The following OGA variants were observed in gnomAD, a reference collection of about 807,000 sequenced individuals.
OGA encodes the protein O-GlcNAcase.
Under a neutral mutation model 102.0 loss-of-function variants are expected in OGA, and 21 were observed. The observed-to-expected ratio is 0.21, with a 90% CI of 0.15 to 0.30. The LOEUF (loss-of-function observed/expected upper bound fraction) is 0.30. OGA is among the 10% of genes least tolerant of loss of function. The probability of loss-of-function intolerance (pLI) is 1.00; values close to 1 mark genes in which losing one functional copy is unlikely to be tolerated. For synonymous variants in OGA, 408 were observed against 378.2 expected (o/e 1.08, Z -0.91); for missense variants, 765 against 1,107.8 (o/e 0.69, Z 4.39).
intron 14 of OGA, among the ~76,000 whole-genome samples, chr10:101,788,696 T>C (rs910323574): frequency 2.7e-5 from 4 of 150,446 alleles, no homozygotes; most frequent in South Asian, 4.2e-4. Context: ...GATCGCACCA[T>C]TGCACTCCAC....
At chr10:101,804,726 G>T (rs931383423) in intron 6 of OGA, among the ~76,000 whole-genome samples, 1 of 152,052 alleles carries the variant, frequency 6.6e-6, no homozygotes, top group Non-Finnish European at 1.5e-5. Flanking sequence ...AAGTAGCTGG[G>T]ACTACAGGTG....
rs1161166190 is a variant in OGA at position 101,784,786 on chromosome 10, G to A, written c.*1665C>T. 1 of 152,212 alleles carries A rather than the reference G, an allele frequency of 6.6e-6. No homozygotes were observed. Among genetic ancestry groups the A allele is most frequent in the African/African-American group, 2.4e-5 (1 of 41,460 alleles). The allele number at this position is 152,212 out of a possible 1,614,324, so 9.4% of individuals were successfully genotyped here. On this transcript the variant is annotated 3_prime_UTR_variant, in exon 16 of 16. Coordinates refer to ENST00000361464, the MANE Select transcript of OGA (RefSeq NM_012215.5). The stretch of plus-strand genomic sequence containing the variant: ...CCACTAGTGTTAAGACGAGAAAACT[G>A]AGGAAAACTCAGCTGTCTTACTATC...
At chr10:101,786,650 A>C in intron 15 of OGA, 63 bp from the exon 16 acceptor site, 1 of 1,319,158 alleles carries the variant, frequency 7.6e-7, no homozygotes, top group Non-Finnish European at 1.0e-6. Flanking sequence ...TTATAGATAT[A>C]AAACTATAAT....
At chr10:101,814,682 A>G (rs914106169) in intron 1 of OGA, among the ~76,000 whole-genome samples, 1 of 152,244 alleles carries the variant, frequency 6.6e-6, no homozygotes, top group Non-Finnish European at 1.5e-5. Flanking sequence ...TAACTGGCCC[A>G]AACAACAAAC....
intron 10 of OGA, chr10:101,795,826 A>C: frequency 1.2e-6 from 1 of 813,276 alleles, no homozygotes; most frequent in Non-Finnish European, 1.5e-6. Context: ...AAAAAATAAA[A>C]AAACTCACAA....
chr10:101,788,171 C>T (rs1184333269), intron 14 of OGA, among the ~76,000 whole-genome samples: 1 of 149,214 alleles, frequency 6.7e-6, no homozygotes, highest in Admixed American at 6.7e-5. Flanking sequence ...GGTCTAGTAG[C>T]TCACGCCTGT....
chr10:101,785,571 C>G lies in OGA; in HGVS notation c.*880G>C, dbSNP rs959470804. 6.6e-6 allele frequency: 1 copy of G among 152,562 alleles called. No homozygotes were observed. The highest frequency in any genetic ancestry group is 1.5e-5 in the Non-Finnish European group (1 of 68,028). The allele number at this position is 152,562 out of a possible 1,614,324, so 9.5% of individuals were successfully genotyped here. ...CTCTCGTACCCCAAATGGTCATGGC[C>G]TACGCCTAGGTGGGAGGCACTTTAA... is the stretch of plus-strand genomic sequence containing the variant. On this transcript the variant is annotated 3_prime_UTR_variant, in exon 16 of 16. Coordinates refer to ENST00000361464, the MANE Select transcript of OGA (RefSeq NM_012215.5).
chr10:101,796,258 C>T (rs558248567), intron 10 of OGA, among the ~76,000 whole-genome samples: 2 of 152,178 alleles, frequency 1.3e-5, no homozygotes, highest in South Asian at 4.1e-4. Context: ...AGGAGCTATA[C>T]AGAGCCTCCC....
chr10:101,800,279 TTC>T lies in OGA; in HGVS notation c.1156_1157del (p.Glu386MetfsTer14). 6.2e-7 allele frequency: 1 copy of T among 1,614,128 alleles called. No individual in the cohort carries two copies. The highest frequency in any genetic ancestry group is 8.5e-7 in the Non-Finnish European group (1 of 1,179,968). On this transcript the variant is annotated frameshift_variant, in exon 8 of 16. Transcript: ENST00000361464. LOFTEE classifies it high-confidence loss of function. Reference protein sequence around the residue: ...PQMALKLALTEWLQEFGVPHQ... With the variant: ...PQMALKLALTXWLQEFGVPHQ... ...GAGGCACACCAAACTCTTGCAACCA[TTC>T]TGTTAATGCTAGCTTTAGAGCCATC... is the stretch of plus-strand genomic sequence containing the variant.
chr10:101,805,863 G>T (rs1047738590), intron 6 of OGA, among the ~76,000 whole-genome samples, 182 bp downstream of exon 6: 1 of 152,096 alleles, frequency 6.6e-6, no homozygotes, highest in South Asian at 2.1e-4. Context: ...GCTGAGGCAG[G>T]AGAATGGTGT....
At chr10:101,815,103 T>C (rs375940774) in intron 1 of OGA, among the ~76,000 whole-genome samples, 5 of 152,218 alleles carry the variant, frequency 3.3e-5, no homozygotes, top group East Asian at 1.9e-4. Context: ...CATAAGAGAC[T>C]AGTCTAAAAC....
rs924424846 is a variant in OGA at position 101,799,455 on chromosome 10, C to A, written c.1196G>T (p.Ser399Ile). Residue 399 changes from serine (S) to isoleucine (I), a missense_variant and splice_region_variant, in exon 9 of 16, where the codon AGT (serine) becomes ATT (isoleucine). Ser to Ile is a moderately radical substitution (Grantham distance 142). Transcript: ENST00000361464. ...QEFGVPHQYS[S>I]RQVAHSGAKA... Reference sequence around the variant, plus strand: ...AGCTCCACTGTGTGCAACTTGCCTACCTACAAAAATAAATAAATGTATAAA... The same window carrying A: ...AGCTCCACTGTGTGCAACTTGCCTAACTACAAAAATAAATAAATGTATAAA... 1 of 1,603,286 alleles carries A rather than the reference C, an allele frequency of 6.2e-7. No homozygotes were observed.
At position 101,810,191 on chromosome 10, in the gene OGA, A is replaced by G; in HGVS notation, c.473T>C (p.Leu158Ser). The G allele has an allele frequency of 1.2e-6, 2 of 1,610,226 alleles. No homozygotes were observed. Among genetic ancestry groups the G allele is most frequent in the Non-Finnish European group, 1.7e-6 (2 of 1,178,430 alleles). The change falls in exon 4 of 16, where the codon TTG becomes TCG. Residue 158 changes from leucine (L) to serine (S), a missense_variant. By Grantham distance (145) the Leu-to-Ser change is moderately radical (BLOSUM62 -2). This residue lies in a region of OGA where 165 missense variants were observed against 249.7 expected (regional missense o/e 0.66). Coordinates refer to ENST00000361464, the MANE Select transcript of OGA (RefSeq NM_012215.5). Reference protein sequence around the residue: ...PKEVSTLKRKLDQVSQFGCRS... With the variant: ...PKEVSTLKRKSDQVSQFGCRS... The stretch of plus-strand genomic sequence containing the variant: ...TAAAAAGTAAGGAGTTACCTGGTCC[A>G]ATTTACGTTTCAATGTGGATACTTC...
rs1359124161 is a variant in OGA at position 101,800,230 on chromosome 10, G to A, written c.1195+12C>T. The A allele has an allele frequency of 6.2e-7, 1 of 1,611,292 alleles. No individual in the cohort carries two copies. The highest frequency in any genetic ancestry group is 8.5e-7 in the Non-Finnish European group (1 of 1,178,122). ...TGATCTAACCCCCTTAACAAAGAAT[G>A]GCCAAACTCACTGCTGTATTGATGA... On this transcript the variant is annotated intron_variant, in intron 8 of 15. Transcript: ENST00000361464.
chr10:101,813,416 G>A lies in OGA; in HGVS notation c.251+139C>T, dbSNP rs938821487. On this transcript the variant is annotated intron_variant, in intron 2 of 15. Coordinates refer to ENST00000361464, the MANE Select transcript of OGA (RefSeq NM_012215.5). Reference sequence around the variant, plus strand: ...ATCAAAGGCCTAGGTGAAGAAAAAAGGGACCAAGGTAAAATAACTTCTGCA... The same window carrying A: ...ATCAAAGGCCTAGGTGAAGAAAAAAAGGACCAAGGTAAAATAACTTCTGCA... The A allele has an allele frequency of 8.1e-6, 5 of 614,934 alleles. No homozygotes were observed. The South Asian group carries it at 1.0e-4, about 13-fold the overall frequency. The allele number at this position is 614,934 out of a possible 1,614,324, so 38.1% of individuals were successfully genotyped here.
chr10:101,810,381 T>C lies in OGA; in HGVS notation c.350-67A>G, dbSNP rs778288181. On this transcript the variant is annotated intron_variant, in intron 3 of 15. Transcript: ENST00000361464. ...ACTAAAAGAACCTTCACTGAAGGTT[T>C]AACTGAAGAGGTTATTTCTTCTAAC... The C allele has an allele frequency of 6.6e-4, 899 of 1,361,644 alleles. 3 individuals carry two copies. The highest frequency in any genetic ancestry group is 8.6e-4 in the Non-Finnish European group (852 of 986,246). The allele number at this position is 1,361,644 out of a possible 1,614,324, so 84.3% of individuals were successfully genotyped here.
chr10:101,796,022 AT>A, intron 10 of OGA: 2 of 440,680 alleles, frequency 4.5e-6, no homozygotes, highest in Non-Finnish European at 6.0e-6. Context: ...TTAACTTTTA[AT>A]AATTCTTAAA....
intron 9 of OGA, 116 bp from the exon 10 acceptor site, chr10:101,798,270 T>TA: frequency 4.4e-6 from 4 of 907,302 alleles, no homozygotes; most frequent in Non-Finnish European, 6.6e-6. Context: ...TCTTAACCAT[T>TA]AAAGTATCAT....
chr10:101,789,527 T>C (rs2065231737), intron 14 of OGA, among the ~76,000 whole-genome samples: 1 of 151,702 alleles, frequency 6.6e-6, no homozygotes, highest in Non-Finnish European at 1.5e-5. Context: ...ATAAAAAGAC[T>C]ATGAATACTT....
Sources: allele counts gnomAD v4.1 joint callset (sites outside exome capture counted in the v4.1 genomes callset), GRCh38; gene constraint gnomAD v4.1.1; regional missense constraint gnomAD v4.1.1; transcripts MANE v1.5; gene names NCBI Gene and HGNC (gene_info 2026-07-23, HGNC 2026-07-21).